Variants in NRG3 observed in about 807,000 individuals in gnomAD.
NRG3 encodes neuregulin 3.
Under a neutral mutation model 66.9 loss-of-function variants are expected in NRG3, and 31 were observed. The observed-to-expected ratio is 0.46, with a 90% CI of 0.35 to 0.63. NRG3 has a LOEUF of 0.63. Among genes scored for constraint, NRG3 ranks in the 20% least tolerant of loss-of-function variants. The pLI is 0.00. For missense variants in NRG3, 910 were observed against 878.9 expected, an observed-to-expected ratio of 1.04 and a Z score of -0.45; for synonymous variants, 393 against 359.4, an observed-to-expected ratio of 1.09 and a Z score of -1.06.
chr10:82,467,489 G>C (rs1009900665), intron 2 of NRG3, among the ~76,000 whole-genome samples: 2 of 152,162 alleles, frequency 1.3e-5, no homozygotes, highest in African/African-American at 4.8e-5. Context: ...TCCTGGAAAA[G>C]GAAGGAAGGA....
At chr10:82,895,396 G>T (rs1334923001) in intron 4 of NRG3, among the ~76,000 whole-genome samples, 1 of 151,698 alleles carries the variant, frequency 6.6e-6, no homozygotes, top group Non-Finnish European at 1.5e-5. Context: ...CATAGAGAAG[G>T]CATAAACATG....
chr10:82,457,864 C>T (rs748246621), intron 2 of NRG3, among the ~76,000 whole-genome samples: 4 of 152,226 alleles, frequency 2.6e-5, no homozygotes, highest in Non-Finnish European at 4.4e-5. Context: ...CCCCTCTGTT[C>T]TCCCTGGGCT....
At chr10:82,245,373 T>C (rs183426487) in intron 1 of NRG3, among the ~76,000 whole-genome samples, 2 of 152,258 alleles carry the variant, frequency 1.3e-5, no homozygotes, top group East Asian at 3.9e-4. Context: ...CTTTGCTCAC[T>C]CACCAGCAGC....
At chr10:82,607,432 G>A (rs2048035281) in intron 2 of NRG3, among the ~76,000 whole-genome samples, 1 of 146,872 alleles carries the variant, frequency 6.8e-6, no homozygotes, top group African/African-American at 2.5e-5. Flanking sequence ...AATTAGCATG[G>A]TACATTTTTC....
intron 1 of NRG3, among the ~76,000 whole-genome samples, chr10:82,231,400 A>G (rs2133887554): frequency 6.6e-6 from 1 of 152,272 alleles, no homozygotes; most frequent in South Asian, 2.1e-4. Flanking sequence ...AGGTAACAAA[A>G]AAGGTAATAG....
chr10:82,389,441 C>T (rs1323366922), intron 2 of NRG3, among the ~76,000 whole-genome samples: 1 of 152,134 alleles, frequency 6.6e-6, no homozygotes, highest in African/African-American at 2.4e-5. Flanking sequence ...TTCACATTCT[C>T]ATATCTTTAT....
chr10:82,013,932 C>T (rs1316358912), intron 1 of NRG3, among the ~76,000 whole-genome samples: 3 of 152,038 alleles, frequency 2.0e-5, no homozygotes, highest in Admixed American at 1.3e-4. Context: ...TTTAATAGCA[C>T]GTATTGGTGA....
intron 1 of NRG3, among the ~76,000 whole-genome samples, chr10:82,306,166 T>G (rs2134873213): frequency 6.6e-6 from 1 of 152,316 alleles, no homozygotes; most frequent in East Asian, 1.9e-4. Flanking sequence ...ATTATTGAAC[T>G]ATGCTTGGAT....
At chr10:82,084,517 T>TGC (rs2065606570) in intron 1 of NRG3, among the ~76,000 whole-genome samples, 6 of 150,994 alleles carry the variant, frequency 4.0e-5, no homozygotes, top group Admixed American at 1.3e-4. Context: ...TTTTTTTTTT[T>TGC]GCCATCATAG....
intron 2 of NRG3, among the ~76,000 whole-genome samples, chr10:82,359,173 G>A (rs2083964741): frequency 6.6e-6 from 1 of 152,214 alleles, no homozygotes; most frequent in Admixed American, 6.5e-5. Flanking sequence ...GTCTGTTTAT[G>A]ATGTGGAGCT....
intron 1 of NRG3, among the ~76,000 whole-genome samples, chr10:82,079,080 T>A (rs1405399904): frequency 6.6e-6 from 1 of 152,216 alleles, no homozygotes; most frequent in Non-Finnish European, 1.5e-5. Flanking sequence ...TTTATTTTTT[T>A]TTTTGAGATG....
intron 2 of NRG3, among the ~76,000 whole-genome samples, chr10:82,575,617 A>G (rs2045980822): frequency 6.6e-6 from 1 of 151,728 alleles, no homozygotes; most frequent in African/African-American, 2.4e-5. Flanking sequence ...CCTTTGGCAC[A>G]GTTGTTGATG....
intron 1 of NRG3, among the ~76,000 whole-genome samples, chr10:82,177,935 C>T (rs1042793443): frequency 2.0e-5 from 3 of 152,124 alleles, no homozygotes; most frequent in African/African-American, 7.2e-5. Context: ...AAGCAGTCCT[C>T]CTGCCTCAGC....
intron 3 of NRG3, among the ~76,000 whole-genome samples, chr10:82,743,047 A>G (rs505087): frequency 0.78 from 118,093 of 151,886 alleles, 46,061 homozygotes; most frequent in Non-Finnish European, 0.79. Flanking sequence ...GAAGATGCCC[A>G]TTGGAAGCAA....
At chr10:82,281,625 C>T (rs959124060) in intron 1 of NRG3, among the ~76,000 whole-genome samples, 16 of 152,114 alleles carry the variant, frequency 1.1e-4, no homozygotes, top group African/African-American at 3.6e-4. Flanking sequence ...TCCAGTGGCT[C>T]CTGTAATTGA....
At chr10:82,455,091 C>T (rs769810202) in intron 2 of NRG3, among the ~76,000 whole-genome samples, 1 of 152,138 alleles carries the variant, frequency 6.6e-6, no homozygotes. Context: ...TTACCTCACA[C>T]GTGGCTCCCT....
chr10:82,166,894 T>C, intron 1 of NRG3: 1 of 584,214 alleles, frequency 1.7e-6, no homozygotes, highest in South Asian at 2.1e-5. Context: ...AGTTTTTTTT[T>C]ATTCCCTCCT....
intron 3 of NRG3, among the ~76,000 whole-genome samples, chr10:82,783,894 C>T (rs1483976123): frequency 2.0e-5 from 3 of 151,950 alleles, no homozygotes; most frequent in African/African-American, 4.8e-5. Flanking sequence ...GAGCCCGCAT[C>T]GCCAAGTCAA....
At chr10:82,364,231 C>T (rs888101078) in intron 2 of NRG3, among the ~76,000 whole-genome samples, 1 of 152,132 alleles carries the variant, frequency 6.6e-6, no homozygotes, top group East Asian at 1.9e-4. Flanking sequence ...CAATTAAGTG[C>T]TTCCAGATTA....
Sources: allele counts gnomAD v4.1 joint callset (sites outside exome capture counted in the v4.1 genomes callset), GRCh38; gene constraint gnomAD v4.1.1; transcripts MANE v1.5; gene names NCBI Gene and HGNC (gene_info 2026-07-23, HGNC 2026-07-21).